The following PHF21A variants were observed in gnomAD, a reference collection of about 807,000 sequenced individuals.
The protein encoded by PHF21A is BHC80a.
A neutral mutation model predicts 82.5 loss-of-function variants in PHF21A; 11 were observed. The ratio of observed to expected loss-of-function variants is 0.13; its 90% CI spans 0.08 to 0.22. The LOEUF is 0.22. Ranked by LOEUF, PHF21A falls within the 10% of genes least tolerant of loss-of-function variation. The probability of loss-of-function intolerance (pLI) is 1.00; values close to 1 mark genes in which losing one functional copy is unlikely to be tolerated. For synonymous variants in PHF21A, 297 were observed against 302.8 expected (o/e 0.98, Z 0.20); for missense variants, 579 against 837.8 (o/e 0.69, Z 3.81).
chr11:45,962,690 G>A (rs1409172928), intron 10 of PHF21A, among the ~76,000 whole-genome samples: 32 of 115,096 alleles, frequency 2.8e-4, no homozygotes, highest in African/African-American at 9.7e-4. Flanking sequence ...TCAGGAGTCT[G>A]AGACCAGCCT....
intron 6 of PHF21A, among the ~76,000 whole-genome samples, chr11:46,046,137 C>T (rs1262102070): frequency 6.6e-6 from 1 of 152,108 alleles, no homozygotes; most frequent in Non-Finnish European, 1.5e-5. Context: ...TTGCTATTTT[C>T]AGGGTTTGTT....
At chr11:46,014,353 T>C (rs1457383702) in intron 6 of PHF21A, among the ~76,000 whole-genome samples, 2 of 152,272 alleles carry the variant, frequency 1.3e-5, no homozygotes, top group East Asian at 3.8e-4. Flanking sequence ...GTTGTTCTTT[T>C]TTATGGCTGT....
intron 11 of PHF21A, among the ~76,000 whole-genome samples, chr11:45,951,239 T>C (rs2092066132): frequency 6.6e-6 from 1 of 152,228 alleles, no homozygotes. Flanking sequence ...TCTTCAATTG[T>C]AAAAGACATA....
At chr11:46,108,851 C>T (rs1295106351) in intron 1 of PHF21A, among the ~76,000 whole-genome samples, 3 of 151,698 alleles carry the variant, frequency 2.0e-5, no homozygotes, top group Non-Finnish European at 2.9e-5. Context: ...ATAAAGTGCC[C>T]AACTTCCAAA....
intron 15 of PHF21A, among the ~76,000 whole-genome samples, chr11:45,938,845 T>G (rs1225042746): frequency 6.6e-6 from 1 of 151,920 alleles, no homozygotes; most frequent in African/African-American, 2.4e-5. Flanking sequence ...TTCTTTTTTT[T>G]TTTTTTGAGA....
At chr11:45,997,535 C>T (rs1200293883) in intron 6 of PHF21A, among the ~76,000 whole-genome samples, 1 of 152,184 alleles carries the variant, frequency 6.6e-6, no homozygotes, top group Non-Finnish European at 1.5e-5. Flanking sequence ...TTCTCAATGT[C>T]TAGATCCAGT....
intron 6 of PHF21A, among the ~76,000 whole-genome samples, chr11:46,030,066 T>C (rs1024081376): frequency 6.6e-6 from 1 of 152,212 alleles, no homozygotes; most frequent in Non-Finnish European, 1.5e-5. Flanking sequence ...ATACAACTAA[T>C]ACAGTAGGTT....
intron 1 of PHF21A, among the ~76,000 whole-genome samples, chr11:46,111,654 T>C (rs578030913): frequency 1.9e-3 from 290 of 152,232 alleles, no homozygotes; most frequent in African/African-American, 6.4e-3. Context: ...CTAAGACATA[T>C]ACATTGCAGC....
At chr11:45,951,947 T>C (rs1393993828) in intron 11 of PHF21A, among the ~76,000 whole-genome samples, 2 of 151,744 alleles carry the variant, frequency 1.3e-5, no homozygotes, top group Non-Finnish European at 2.9e-5. Flanking sequence ...CCTGGGACTA[T>C]AGGCACGCGC....
chr11:45,998,507 C>T (rs111868856), intron 6 of PHF21A, among the ~76,000 whole-genome samples: 4,835 of 151,990 alleles, frequency 0.032, 104 homozygotes, highest in Non-Finnish European at 0.05. Flanking sequence ...ATAACTCTAC[C>T]ATTTCTTTTT....
intron 6 of PHF21A, among the ~76,000 whole-genome samples, chr11:46,073,327 CAA>C (rs748320509): frequency 2.0e-4 from 17 of 84,104 alleles, no homozygotes; most frequent in Middle Eastern, 7.8e-3. Context: ...GACCCCGTCT[CAA>C]AAAAAAAAAA....
intron 6 of PHF21A, among the ~76,000 whole-genome samples, chr11:45,981,149 G>A (rs1318065137): frequency 6.6e-6 from 1 of 152,022 alleles, no homozygotes; most frequent in Admixed American, 6.5e-5. Context: ...ACTTTAGGAG[G>A]CCAAGGTGGG....
At chr11:46,022,041 C>T (rs935352895) in intron 6 of PHF21A, among the ~76,000 whole-genome samples, 4 of 152,114 alleles carry the variant, frequency 2.6e-5, no homozygotes, top group Non-Finnish European at 5.9e-5. Context: ...TTTAAAGAGA[C>T]ACAAATGCTG....
At chr11:46,030,855 G>T (rs1192835053) in intron 6 of PHF21A, among the ~76,000 whole-genome samples, 1 of 151,316 alleles carries the variant, frequency 6.6e-6, no homozygotes, top group Non-Finnish European at 1.5e-5. Flanking sequence ...GTGTGTGTGT[G>T]TGTGTGTGTG....
intron 10 of PHF21A, among the ~76,000 whole-genome samples, chr11:45,965,014 T>C (rs1382113236): frequency 1.3e-5 from 2 of 152,176 alleles, no homozygotes; most frequent in African/African-American, 4.8e-5. Context: ...ACCTCATCTG[T>C]GCTTACTGAC....
intron 6 of PHF21A, among the ~76,000 whole-genome samples, chr11:46,003,560 A>G (rs2095212928): frequency 6.6e-6 from 1 of 152,184 alleles, no homozygotes; most frequent in Non-Finnish European, 1.5e-5. Flanking sequence ...CATAATGATG[A>G]TGACATTTTC....
intron 10 of PHF21A, among the ~76,000 whole-genome samples, chr11:45,963,156 A>G (rs1169834639): frequency 6.6e-6 from 1 of 152,086 alleles, no homozygotes; most frequent in African/African-American, 2.4e-5. Flanking sequence ...GCGGTGGCTC[A>G]CACCTGTAAT....
intron 5 of PHF21A, 49 bp downstream of exon 5, chr11:46,079,085 A>G: frequency 8.5e-7 from 1 of 1,169,744 alleles, no homozygotes; most frequent in Middle Eastern, 2.9e-4. Context: ...ATTTTATTTT[A>G]AATTATTTTT....
chr11:46,056,656 C>T (rs75471410), intron 6 of PHF21A, among the ~76,000 whole-genome samples: 4,527 of 152,166 alleles, frequency 0.03, 220 homozygotes, highest in African/African-American at 0.1. Context: ...TTCACCTGTA[C>T]GTTTACTTCA....
Sources: allele counts gnomAD v4.1 joint callset (sites outside exome capture counted in the v4.1 genomes callset), GRCh38; gene constraint gnomAD v4.1.1; transcripts MANE v1.5; gene names NCBI Gene and HGNC (gene_info 2026-07-23, HGNC 2026-07-21).